The following SATB2 variants were observed in gnomAD, a reference collection of about 807,000 sequenced individuals.
SATB2 encodes DNA-binding protein SATB2.
In SATB2, 1 loss-of-function variant was observed where a neutral mutation model predicts 73.4. That is an observed-to-expected ratio of 0.01 (90% confidence interval 0.00 to 0.06). The LOEUF is 0.06. Ranked by LOEUF, SATB2 falls within the 10% of genes least tolerant of loss-of-function variation. SATB2 has a pLI of 1.00. For synonymous variants in SATB2, 397 were observed against 367.0 expected (o/e 1.08, Z -0.93); for missense variants, 459 against 945.8 (o/e 0.49, Z 6.75).
At chr2:199,396,168 T>G (rs1240253796) in intron 3 of SATB2, 1 of 152,234 alleles carries the variant, frequency 6.6e-6, no homozygotes, top group African/African-American at 2.4e-5. Context: ...CTTTTTGAAC[T>G]TCCAGTTGCT....
At chr2:199,399,635 C>T (rs1397550480) in intron 3 of SATB2, among the ~76,000 whole-genome samples, 1 of 152,198 alleles carries the variant, frequency 6.6e-6, no homozygotes, top group Non-Finnish European at 1.5e-5. Flanking sequence ...GGCATCTGCT[C>T]AGCTTCTGGG....
chr2:199,333,142 A>G (rs923415597), intron 7 of SATB2, among the ~76,000 whole-genome samples: 3 of 151,704 alleles, frequency 2.0e-5, no homozygotes, highest in African/African-American at 7.3e-5. Context: ...CCCCAAATTC[A>G]ATATACCTAG....
intron 10 of SATB2, among the ~76,000 whole-genome samples, chr2:199,303,736 C>T: frequency 6.6e-6 from 1 of 152,134 alleles, no homozygotes; most frequent in Admixed American, 6.5e-5. Flanking sequence ...CTACCAATGA[C>T]AGGGAGTCTG....
rs1167115703 is a variant in SATB2 at position 199,272,622 on chromosome 2, T to C, written c.1791A>G (p.Arg597=). 6.2e-7 allele frequency: 1 copy of C among 1,614,118 alleles called. No homozygotes were observed. Among genetic ancestry groups the C allele is most frequent in the South Asian group, 1.1e-5 (1 of 91,080 alleles). ...GAGGAGGTGGGGGAGGCGCTTCTTC[T>C]CTGGGAGGGGAACTCTCCTTGGCTG... is the stretch of plus-strand genomic sequence containing the variant. ...SQPAKESSPP[R]EEAPPPPPPT... The change falls in exon 11 of 11, where the codon AGA becomes AGG. Residue 597 remains arginine, a synonymous_variant. Transcript: ENST00000417098. The surrounding 1 kb of genome is among the most constrained non-coding windows in gnomAD (Gnocchi z 6.7).
chr2:199,328,985 TCTC>T (rs1251627821), intron 7 of SATB2, 75 bp from the exon 8 acceptor site: 2 of 1,135,328 alleles, frequency 1.8e-6, no homozygotes, highest in Non-Finnish European at 2.6e-6. Context: ...CTTCCACCCC[TCTC>T]CTCCTTTGTT....
intron 7 of SATB2, among the ~76,000 whole-genome samples, chr2:199,335,629 T>C (rs1455289447): frequency 1.3e-5 from 2 of 152,158 alleles, no homozygotes; most frequent in Non-Finnish European, 2.9e-5. Flanking sequence ...CAAATGCATA[T>C]TTTTTAAATT....
At chr2:199,439,194 A>T (rs1387149648) in intron 2 of SATB2, among the ~76,000 whole-genome samples, 1 of 152,230 alleles carries the variant, frequency 6.6e-6, no homozygotes, top group Non-Finnish European at 1.5e-5. Context: ...GGCTCACATG[A>T]ATGGTCATAC....
chr2:199,274,520 T>G (rs1692253926), intron 10 of SATB2, among the ~76,000 whole-genome samples: 1 of 152,190 alleles, frequency 6.6e-6, no homozygotes, highest in African/African-American at 2.4e-5. Context: ...AAAAGAAGTT[T>G]AAATTTTTCA....
chr2:199,332,735 T>C (rs1688223707), intron 7 of SATB2, among the ~76,000 whole-genome samples: 1 of 152,174 alleles, frequency 6.6e-6, no homozygotes, highest in Non-Finnish European at 1.5e-5. Context: ...TAACAATTTA[T>C]ATAGTTTGTC....
chr2:199,294,399 T>C (rs1692962750), intron 10 of SATB2, among the ~76,000 whole-genome samples: 2 of 152,186 alleles, frequency 1.3e-5, no homozygotes, highest in African/African-American at 4.8e-5. Flanking sequence ...TATTGAAGAA[T>C]TGTCAACTGA....
In SATB2 at chr2:199,455,925, C is replaced by T; in HGVS notation, c.113G>A (p.Gly38Asp). 1 of 1,537,816 alleles carries T rather than the reference C, an allele frequency of 6.5e-7. No individual in the cohort carries two copies. The highest frequency in any genetic ancestry group is 8.7e-7 in the Non-Finnish European group (1 of 1,147,628). The change falls in exon 2 of 11, where the codon GGC becomes GAC. Residue 38 changes from glycine (G) to aspartate (D), a missense_variant. Around this residue, in one of 13 missense-constraint regions of SATB2, gnomAD observed 74 missense variants for 113.3 expected, o/e 0.65. Coordinates refer to ENST00000417098, the MANE Select transcript of SATB2 (RefSeq NM_001172509.2). This position sits in a 1 kb window ranked among gnomAD's most constrained non-coding sequence, Gnocchi z 4.1. ...PVKVARLEQN[G>D]SPMGARGRPN... ...CCTCCCGCGGGCTCCCATGGGGCTG[C>T]CGTTCTGCTCCAGCCGGGCCACCTT...
chr2:199,361,757 C>CTTTTT, intron 6 of SATB2, among the ~76,000 whole-genome samples: 1 of 140,450 alleles, frequency 7.1e-6, no homozygotes, highest in Non-Finnish European at 1.6e-5. Context: ...CCAACCATTT[C>CTTTTT]TTTTTTTTTT....
chr2:199,465,273 GTTAT>G (rs1347997794), upstream of SATB2: 7 of 152,136 alleles, frequency 4.6e-5, no homozygotes, highest in African/African-American at 1.7e-4. Flanking sequence ...GTGAACTGTT[GTTAT>G]TTCTGTCAAC....
chr2:199,431,683 G>A (rs1691505357), intron 3 of SATB2, among the ~76,000 whole-genome samples: 1 of 152,142 alleles, frequency 6.6e-6, no homozygotes, highest in Non-Finnish European at 1.5e-5. Context: ...AAGGAATAGT[G>A]TGGCTCCCTA....
chr2:199,274,680 A>G (rs1238201110), intron 10 of SATB2, among the ~76,000 whole-genome samples: 1 of 152,260 alleles, frequency 6.6e-6, no homozygotes, highest in Non-Finnish European at 1.5e-5. Flanking sequence ...ATGTTGACCA[A>G]TTAAAATGAA....
chr2:199,350,098 A>G (rs1258635189), intron 6 of SATB2, among the ~76,000 whole-genome samples: 1 of 152,182 alleles, frequency 6.6e-6, no homozygotes, highest in Non-Finnish European at 1.5e-5. Flanking sequence ...TTAAATGCTT[A>G]TAGGTGTAAT....
intron 8 of SATB2, among the ~76,000 whole-genome samples, chr2:199,324,865 T>C (rs1187760497): frequency 6.6e-6 from 1 of 152,178 alleles, no homozygotes; most frequent in Non-Finnish European, 1.5e-5. Flanking sequence ...TTGATCCTTG[T>C]GCACTACCAG....
intron 3 of SATB2, among the ~76,000 whole-genome samples, chr2:199,387,809 T>C (rs1002173427): frequency 3.3e-5 from 5 of 152,178 alleles, no homozygotes; most frequent in East Asian, 1.9e-4. Flanking sequence ...ATTAGTGATA[T>C]AAAATTAGAT....
At chr2:199,448,219 C>T (rs1487582751) in intron 2 of SATB2, among the ~76,000 whole-genome samples, 1 of 151,990 alleles carries the variant, frequency 6.6e-6, no homozygotes, top group Non-Finnish European at 1.5e-5. Flanking sequence ...TTTGCCTTTC[C>T]TTATATGTAA....
Sources: allele counts gnomAD v4.1 joint callset (sites outside exome capture counted in the v4.1 genomes callset), GRCh38; gene constraint gnomAD v4.1.1; regional missense constraint gnomAD v4.1.1; non-coding constraint Gnocchi (gnomAD v3.1); transcripts MANE v1.5; gene names NCBI Gene and HGNC (gene_info 2026-07-23, HGNC 2026-07-21).